Variants in ITGB2 observed in about 807,000 individuals in gnomAD.
ITGB2 encodes the protein integrin subunit beta 2.
In ITGB2, 56 loss-of-function variants were observed where a neutral mutation model predicts 86.8. The observed-to-expected ratio is 0.65, with a 90% confidence interval of 0.52 to 0.81. ITGB2 has a LOEUF of 0.81. Among genes scored for constraint, ITGB2 ranks in the 30% least tolerant of loss-of-function variants. The pLI is 0.00. For synonymous variants in ITGB2, 457 were observed against 450.4 expected (o/e 1.01, Z -0.19); for missense variants, 948 against 1,061.2 (o/e 0.89, Z 1.48).
intron 13 of ITGB2, 49 bp from the exon 14 acceptor site, chr21:44,888,944 C>G (rs367750856): frequency 6.4e-7 from 1 of 1,557,072 alleles, no homozygotes. Context: ...GCGGGGGCTC[C>G]GGCAACGGGG....
intron 1 of ITGB2, among the ~76,000 whole-genome samples, chr21:44,926,361 G>C: frequency 6.6e-6 from 1 of 152,328 alleles, no homozygotes; most frequent in East Asian, 1.9e-4. Flanking sequence ...TAATTGGTGC[G>C]TTTAGTGTAA....
In ITGB2 at chr21:44,893,464, A is replaced by G; in HGVS notation, c.1164T>C (p.Asn388=). 6.2e-7 allele frequency: 1 copy of G among 1,614,022 alleles called. No individual in the cohort carries two copies. The highest frequency in any genetic ancestry group is 8.5e-7 in the Non-Finnish European group (1 of 1,179,974). ...TGGGCTGGTTCCTGTGCGTCACTCC[A>G]TTGCTGCAGAAGGAGTCGTAGGTGA... ...LKVTYDSFCS[N]GVTHRNQPRG... is the part of the protein sequence containing the mutation. Residue 388 remains asparagine, a synonymous_variant, in exon 10 of 16, where the codon AAT becomes AAC. Transcript: ENST00000652462.
At chr21:44,896,856 C>T (rs900557098) in intron 8 of ITGB2, among the ~76,000 whole-genome samples, 3 of 152,260 alleles carry the variant, frequency 2.0e-5, no homozygotes, top group Non-Finnish European at 4.4e-5. Flanking sequence ...ACTCTACCTG[C>T]CTCCAGTGCC....
intron 15 of ITGB2, 133 bp downstream of exon 15, chr21:44,886,602 GC>G: frequency 7.0e-7 from 1 of 1,438,512 alleles, no homozygotes; most frequent in Non-Finnish European, 9.7e-7. Flanking sequence ...AGCGGCGGAC[GC>G]CCAGAGGACA....
At chr21:44,921,930 A>G (rs1233507813), upstream of ITGB2, among the ~76,000 whole-genome samples, 1 of 152,064 alleles carries the variant, frequency 6.6e-6, no homozygotes, top group Non-Finnish European at 1.5e-5. Flanking sequence ...CACTATGTTG[A>G]CCAGGCTGGT....
chr21:44,890,007 C>T lies in ITGB2; in HGVS notation c.1628G>A (p.Arg543His). Residue 543 changes from arginine (R) to histidine (H), a missense_variant, in exon 12 of 16, where the codon CGC becomes CAC. Physicochemically the swap from Arg to His is conservative, Grantham distance 29 (BLOSUM62 0). Coordinates refer to ENST00000652462, the MANE Select transcript of ITGB2 (RefSeq NM_000211.5). ...YCECDTINCE[R>H]YNGQVCGGPG... ...GCCGCCGCAGACCTGGCCGTTGTAG[C>T]GCTCACAGTTGATGGTGTCACACTC... is the stretch of plus-strand genomic sequence containing the variant. The T allele has an allele frequency of 1.9e-6, 3 of 1,613,396 alleles. No homozygotes were observed. The highest frequency in any genetic ancestry group is 2.5e-6 in the Non-Finnish European group (3 of 1,180,018).
intron 1 of ITGB2, chr21:44,928,341 C>T (rs1015415224): frequency 6.6e-6 from 1 of 152,234 alleles, no homozygotes; most frequent in Non-Finnish European, 1.5e-5. Flanking sequence ...AGTTAAGCAA[C>T]GATGGACTCC....
rs747801038 is a variant in ITGB2 at position 44,901,575 on chromosome 21, C to G, written c.658G>C (p.Glu220Gln). The G allele has an allele frequency of 8.1e-6, 13 of 1,614,282 alleles. No individual in the cohort carries two copies. Among genetic ancestry groups the G allele is most frequent in the Non-Finnish European group, 1.1e-5 (13 of 1,180,050 alleles). The change falls in exon 6 of 16, where the codon GAG becomes CAG. Residue 220 changes from glutamate to glutamine, a missense_variant. Coordinates refer to ENST00000652462, the MANE Select transcript of ITGB2 (RefSeq NM_000211.5). ...CCGGAAATCAGCTGCTTCCCGACCT[C>G]GGTCTGAAACTGGTTGGAGTTGTTG... ...LTNNSNQFQT[E>Q]VGKQLISGNL... is the part of the protein sequence containing the mutation.
intron 14 of ITGB2, among the ~76,000 whole-genome samples, chr21:44,887,962 C>A (rs373960843): frequency 9.2e-4 from 140 of 152,330 alleles, no homozygotes; most frequent in African/African-American, 3.3e-3. Flanking sequence ...AGTCCGCCAG[C>A]GGCCCCCCAG....
rs781730372 is a variant in ITGB2 at position 44,907,065 on chromosome 21, T to C, written c.178A>G (p.Ile60Val). ...AGCTGTGGCCGGGTGTCGCAGCGAATGGAGTCAGGATCCCCCGGCCCTGTG... is the reference window on the plus strand; with the variant it reads ...AGCTGTGGCCGGGTGTCGCAGCGAACGGAGTCAGGATCCCCCGGCCCTGTG... Reference protein sequence around the residue: ...NFTGPGDPDSIRCDTRPQLLM... With the variant: ...NFTGPGDPDSVRCDTRPQLLM... The change falls in exon 4 of 16, where the codon ATT (isoleucine) becomes GTT (valine). Residue 60 changes from isoleucine to valine, a missense_variant. Coordinates refer to ENST00000652462, the MANE Select transcript of ITGB2 (RefSeq NM_000211.5). The C allele has an allele frequency of 6.8e-6, 11 of 1,609,744 alleles. No individual in the cohort carries two copies. The highest frequency in any genetic ancestry group is 9.3e-6 in the Non-Finnish European group (11 of 1,176,932).
At chr21:44,888,168 G>A (rs2083726437) in intron 14 of ITGB2, among the ~76,000 whole-genome samples, 1 of 152,184 alleles carries the variant, frequency 6.6e-6, no homozygotes, top group Non-Finnish European at 1.5e-5. Context: ...GTGCCACCAA[G>A]GTCACTGTGG....
chr21:44,908,131 T>C, intron 3 of ITGB2: 1 of 734,902 alleles, frequency 1.4e-6, no homozygotes, highest in South Asian at 1.5e-5. Context: ...CGGCTTCTCC[T>C]CCGGGGACTG....
chr21:44,914,932 CA>C (rs11380568), intron 1 of ITGB2, among the ~76,000 whole-genome samples: 8 of 146,622 alleles, frequency 5.5e-5, no homozygotes, highest in Admixed American at 6.8e-5. Flanking sequence ...GGCCCTGTCT[CA>C]AAAAAAAAAG....
intron 4 of ITGB2, 144 bp from the exon 5 acceptor site, chr21:44,903,679 A>T: frequency 2.3e-6 from 2 of 880,256 alleles, no homozygotes; most frequent in Non-Finnish European, 3.6e-6. Context: ...CCCGCCTGGC[A>T]GGAGAGCTGA....
intron 1 of ITGB2, among the ~76,000 whole-genome samples, chr21:44,927,358 G>C (rs769255892): frequency 1.4e-4 from 22 of 152,242 alleles, no homozygotes; most frequent in Middle Eastern, 3.4e-3. Flanking sequence ...GATGAGAAAG[G>C]AGTCTAACCA....
At chr21:44,902,077 TGA>T (rs1209654993) in intron 5 of ITGB2, among the ~76,000 whole-genome samples, 1 of 152,244 alleles carries the variant, frequency 6.6e-6, no homozygotes, top group Non-Finnish European at 1.5e-5. Flanking sequence ...TGTGTAAACA[TGA>T]GTGTGTACAT....
chr21:44,926,467 G>T (rs565960184), intron 1 of ITGB2, among the ~76,000 whole-genome samples: 3 of 152,168 alleles, frequency 2.0e-5, no homozygotes, highest in African/African-American at 7.2e-5. Flanking sequence ...AGGAAATGGC[G>T]ACCGCAGAAG....
At chr21:44,887,933 T>C (rs1026510357) in intron 14 of ITGB2, among the ~76,000 whole-genome samples, 1 of 152,226 alleles carries the variant, frequency 6.6e-6, no homozygotes, top group Non-Finnish European at 1.5e-5. Context: ...CCTGGCCGGC[T>C]GCTGGCCATG....
At chr21:44,914,192 A>T (rs1452464418) in intron 1 of ITGB2, 1 of 152,318 alleles carries the variant, frequency 6.6e-6, no homozygotes, top group African/African-American at 2.4e-5. Context: ...GGGTCCCCTT[A>T]CCAAGACCTA....
Sources: gnomAD v4.1 joint callset for allele counts (sites outside exome capture counted in the v4.1 genomes callset) on GRCh38, gnomAD v4.1.1 for gene constraint, MANE v1.5 for transcripts, NCBI Gene and HGNC (gene_info 2026-07-23, HGNC 2026-07-21) for gene names.